The following ATRNL1 variants were observed in gnomAD, a reference collection of about 807,000 sequenced individuals.
ATRNL1 encodes the protein attractin-like protein 1.
ATRNL1 carries 95 observed loss-of-function variants against 182.7 expected under a neutral mutation model. The ratio of observed to expected loss-of-function variants is 0.52; its 90% CI spans 0.44 to 0.62. ATRNL1 has a LOEUF of 0.62. Ranked by LOEUF, ATRNL1 falls within the 20% of genes least tolerant of loss-of-function variation. The pLI is 0.00. For missense variants in ATRNL1, 1,471 were observed against 1,679.5 expected (o/e 0.88, Z 2.17); for synonymous variants, 576 against 568.3 (o/e 1.01, Z -0.19).
At chr10:115,156,730 A>C (rs12260295) in intron 5 of ATRNL1, among the ~76,000 whole-genome samples, 2,059 of 152,248 alleles carry the variant, frequency 0.014, 42 homozygotes, top group African/African-American at 0.048. Context: ...GCTGAGATAT[A>C]CTACCTTGAG....
chr10:115,622,102 A>G (rs191255916), intron 26 of ATRNL1, among the ~76,000 whole-genome samples: 2 of 152,300 alleles, frequency 1.3e-5, no homozygotes, highest in African/African-American at 4.8e-5. Context: ...TTCTGACTCT[A>G]GATATGTCAA....
intron 26 of ATRNL1, among the ~76,000 whole-genome samples, chr10:115,550,402 T>A (rs1852901442): frequency 1.3e-5 from 2 of 151,824 alleles, no homozygotes; most frequent in African/African-American, 4.8e-5. Context: ...AATATAATAT[T>A]TAAAGACATG....
intron 21 of ATRNL1, among the ~76,000 whole-genome samples, chr10:115,445,520 TG>T (rs1554966548): frequency 6.9e-6 from 1 of 144,466 alleles, no homozygotes; most frequent in Non-Finnish European, 1.5e-5. Context: ...TGTGTGTGTG[TG>T]TGTGTGTGTG....
intron 24 of ATRNL1, among the ~76,000 whole-genome samples, chr10:115,491,240 G>T (rs1554976507): frequency 6.6e-6 from 1 of 152,114 alleles, no homozygotes; most frequent in Non-Finnish European, 1.5e-5. Flanking sequence ...CCCACTTGAG[G>T]CCGTCTGTTC....
intron 28 of ATRNL1, among the ~76,000 whole-genome samples, chr10:115,886,428 C>G (rs1436640225): frequency 6.6e-6 from 1 of 152,162 alleles, no homozygotes; most frequent in South Asian, 2.1e-4. Flanking sequence ...GCAGGAGAAT[C>G]GCTTGAACCC....
At chr10:115,239,723 C>G (rs546466814) in intron 9 of ATRNL1, among the ~76,000 whole-genome samples, 4 of 152,266 alleles carry the variant, frequency 2.6e-5, no homozygotes, top group East Asian at 3.9e-4. Context: ...ATGCAACAGT[C>G]TGCCTTAGGA....
At position 115,266,677 on chromosome 10, in the gene ATRNL1, A is replaced by G. The variant is rs114812682; in HGVS notation, c.1773-120A>G. ...AATATGATTTTAAAGAACAGTACTA[A>G]CAGAAGTACTTAAAATAGTATAAAA... On this transcript the variant is annotated intron_variant, in intron 11 of 28. Transcript: ENST00000355044. 4.4e-3 allele frequency: 2,486 copies of G among 559,578 alleles called. 45 individuals are homozygous for G. The highest frequency in any genetic ancestry group is 0.04 in the African/African-American group (2,128 of 53,368). 34.7% of individuals were successfully genotyped at this position (559,578 alleles called of 1,614,324 possible).
intron 24 of ATRNL1, among the ~76,000 whole-genome samples, chr10:115,492,764 C>G (rs1849367790): frequency 6.6e-6 from 1 of 151,214 alleles, no homozygotes; most frequent in Non-Finnish European, 1.5e-5. Flanking sequence ...CTGCCTCAGC[C>G]TCCTGAGTAT....
At chr10:115,452,334 T>C (rs560764647) in intron 21 of ATRNL1, among the ~76,000 whole-genome samples, 44 of 152,326 alleles carry the variant, frequency 2.9e-4, no homozygotes, top group African/African-American at 9.9e-4. Context: ...CTTAATGACA[T>C]GCTTTTTTAA....
chr10:115,334,204 G>T, intron 18 of ATRNL1, 78 bp from the exon 19 acceptor site: 1 of 981,204 alleles, frequency 1.0e-6, no homozygotes. Context: ...AGCTTTTTAA[G>T]ATACATTCTT....
intron 26 of ATRNL1, among the ~76,000 whole-genome samples, chr10:115,667,658 T>A (rs563250757): frequency 6.6e-5 from 10 of 151,824 alleles, no homozygotes; most frequent in African/African-American, 2.2e-4. Context: ...GCATCTTTTT[T>A]TTTTTTCCTC....
intron 27 of ATRNL1, among the ~76,000 whole-genome samples, chr10:115,816,476 G>T (rs1589546616): frequency 6.6e-6 from 1 of 152,122 alleles, no homozygotes; most frequent in African/African-American, 2.4e-5. Context: ...CGTTAGTAAT[G>T]TATATATAGC....
chr10:115,742,925 GTT>G (rs1555068038), intron 27 of ATRNL1, among the ~76,000 whole-genome samples: 1 of 152,160 alleles, frequency 6.6e-6, no homozygotes, highest in Non-Finnish European at 1.5e-5. Flanking sequence ...TTGACTCACA[GTT>G]CAGCATGGCT....
intron 20 of ATRNL1, among the ~76,000 whole-genome samples, chr10:115,397,301 A>AATATGCTTTAT (rs1554955869): frequency 7.2e-5 from 11 of 152,006 alleles, no homozygotes; most frequent in Non-Finnish European, 1.6e-4. Context: ...TTCTTACATT[A>AATATGCTTTAT]GTGATTTAAT....
chr10:115,536,544 T>C (rs7903178), intron 25 of ATRNL1, among the ~76,000 whole-genome samples: 96,671 of 151,828 alleles, frequency 0.64, 31,740 homozygotes, highest in Middle Eastern at 0.73. Context: ...TAAGGGAATT[T>C]CCTGACGCCT....
At chr10:115,149,162 T>C (rs1430909848) in intron 5 of ATRNL1, among the ~76,000 whole-genome samples, 1 of 152,126 alleles carries the variant, frequency 6.6e-6, no homozygotes, top group Non-Finnish European at 1.5e-5. Flanking sequence ...CCTAATCTTT[T>C]ATTACGCAGA....
intron 26 of ATRNL1, among the ~76,000 whole-genome samples, chr10:115,562,647 C>T (rs1472686609): frequency 6.6e-6 from 1 of 152,134 alleles, no homozygotes; most frequent in Non-Finnish European, 1.5e-5. Flanking sequence ...AGTTAGTTCT[C>T]TTGAGATCAG....
At chr10:115,852,963 T>C (rs1279722439) in intron 28 of ATRNL1, among the ~76,000 whole-genome samples, 1 of 152,186 alleles carries the variant, frequency 6.6e-6, no homozygotes, top group Non-Finnish European at 1.5e-5. Context: ...GGACTTGGAA[T>C]CACAAGCCCT....
intron 26 of ATRNL1, among the ~76,000 whole-genome samples, chr10:115,695,711 A>C (rs1272328160): frequency 5.3e-5 from 8 of 152,148 alleles, no homozygotes; most frequent in Non-Finnish European, 1.2e-4. Flanking sequence ...GTAATGATAA[A>C]GATTATAAAA....
Sources: gnomAD v4.1 joint callset for allele counts (sites outside exome capture counted in the v4.1 genomes callset) on GRCh38, gnomAD v4.1.1 for gene constraint, MANE v1.5 for transcripts, NCBI Gene and HGNC (gene_info 2026-07-23, HGNC 2026-07-21) for gene names.